Variants in CDKL4 observed in about 807,000 individuals in gnomAD.
CDKL4 encodes cyclin dependent kinase like 4, also known as cyclin-dependent kinase-like 4.
A neutral mutation model predicts 42.0 loss-of-function variants in CDKL4; 44 were observed. The ratio of observed to expected loss-of-function variants is 1.05; its 90% CI spans 0.82 to 1.35. The LOEUF (loss-of-function observed/expected upper bound fraction) is 1.35, where lower values mean the gene tolerates loss of function less well. Ranked by LOEUF, CDKL4 falls within the 40% of genes most tolerant of loss-of-function variation. The pLI is 0.00. For missense variants in CDKL4, 393 were observed against 369.9 expected (o/e 1.06, Z -0.51); for synonymous variants, 120 against 121.6 (o/e 0.99, Z 0.09).
intron 3 of CDKL4, among the ~76,000 whole-genome samples, chr2:39,214,631 G>C (rs1677803491): frequency 6.6e-6 from 1 of 152,176 alleles, no homozygotes; most frequent in Non-Finnish European, 1.5e-5. Flanking sequence ...TTTCGATCCT[G>C]CATGGATGAA....
At chr2:39,167,975 G>C in the CDKL4 span, among the ~76,000 whole-genome samples, 4 of 152,074 alleles carry the variant, frequency 2.6e-5, no homozygotes, top group African/African-American at 9.7e-5. Flanking sequence ...TAGAAATTAG[G>C]AGACAGAAAT....
At chr2:39,239,043 C>A (rs572882925) in intron 1 of CDKL4, among the ~76,000 whole-genome samples, 2 of 152,274 alleles carry the variant, frequency 1.3e-5, no homozygotes, top group South Asian at 2.1e-4. Context: ...TGAGCCACTG[C>A]GCCTGGCCCA....
intron 1 of CDKL4, among the ~76,000 whole-genome samples, chr2:39,239,334 T>C (rs1203770059): frequency 6.6e-6 from 1 of 152,030 alleles, no homozygotes; most frequent in East Asian, 1.9e-4. Flanking sequence ...GCATGATTCA[T>C]AAAAGAAAAA....
At chr2:39,177,115 T>A (rs1405002077) in intron 9 of CDKL4, among the ~76,000 whole-genome samples, 1 of 152,136 alleles carries the variant, frequency 6.6e-6, no homozygotes, top group Admixed American at 6.5e-5. Flanking sequence ...ATGCTGCCCT[T>A]TGTGTTTCTT....
At chr2:39,177,182 T>A (rs558862039) in intron 9 of CDKL4, among the ~76,000 whole-genome samples, 93 of 152,280 alleles carry the variant, frequency 6.1e-4, no homozygotes, top group Non-Finnish European at 1.0e-3. Flanking sequence ...CTGATCTGTA[T>A]CAGCTGGGTT....
At chr2:39,171,679 T>C (rs1006170452), downstream of CDKL4, among the ~76,000 whole-genome samples, 1 of 152,168 alleles carries the variant, frequency 6.6e-6, no homozygotes, top group African/African-American at 2.4e-5. Flanking sequence ...CTGAAAATAC[T>C]GTGAAAAGCA....
At chr2:39,205,531 C>A (rs1417706636) in intron 4 of CDKL4, among the ~76,000 whole-genome samples, 2 of 151,678 alleles carry the variant, frequency 1.3e-5, no homozygotes. Context: ...GAGGCCGAGG[C>A]GGGCAGATCA....
chr2:39,218,709 T>C (rs1678107504), intron 3 of CDKL4, among the ~76,000 whole-genome samples: 1 of 152,136 alleles, frequency 6.6e-6, no homozygotes, highest in Admixed American at 6.5e-5. Flanking sequence ...GGGACGTCCA[T>C]CTTCTCCTGC....
chr2:39,228,905 C>G (rs1241764587), intron 2 of CDKL4, among the ~76,000 whole-genome samples: 3 of 152,088 alleles, frequency 2.0e-5, no homozygotes, highest in African/African-American at 4.8e-5. Context: ...GTGTACGTTA[C>G]CGGGGGTGCT....
chr2:39,241,012 A>C (rs1276696025), intron 1 of CDKL4, among the ~76,000 whole-genome samples: 1 of 152,198 alleles, frequency 6.6e-6, no homozygotes, highest in Non-Finnish European at 1.5e-5. Flanking sequence ...GAAAAACAAA[A>C]TGCGACGTGT....
At chr2:39,219,038 A>T (rs967076254) in intron 3 of CDKL4, among the ~76,000 whole-genome samples, 1 of 152,168 alleles carries the variant, frequency 6.6e-6, no homozygotes, top group Non-Finnish European at 1.5e-5. Context: ...TTATTGTTGG[A>T]CTACATCAGA....
chr2:39,238,492 C>G (rs971812050), intron 1 of CDKL4, among the ~76,000 whole-genome samples: 1 of 152,206 alleles, frequency 6.6e-6, no homozygotes, highest in East Asian at 1.9e-4. Flanking sequence ...TTCCAACAGG[C>G]TTTATTTGGA....
At chr2:39,212,524 T>C (rs1443003336) in intron 4 of CDKL4, among the ~76,000 whole-genome samples, 1 of 151,880 alleles carries the variant, frequency 6.6e-6, no homozygotes, top group African/African-American at 2.4e-5. Flanking sequence ...TGAGCCACCA[T>C]GCCCGGCCGG....
At chr2:39,229,569 C>T in exon 2 of CDKL4, 1 of 1,530,574 alleles carries the variant, frequency 6.5e-7, no homozygotes, top group South Asian at 1.2e-5. Context: ...TATCGATTGA[C>T]TTGCAGTACA....
chr2:39,184,590 C>A lies in CDKL4; in HGVS notation c.792+1G>T, dbSNP rs372022773. The A allele has an allele frequency of 6.8e-6, 11 of 1,606,606 alleles. No individual in the cohort carries two copies. The highest frequency in any genetic ancestry group is 2.2e-5 in the South Asian group (2 of 90,702). The stretch of plus-strand genomic sequence containing the variant: ...AAGAGTTATAATTGATTCTTAAGTA[C>A]CTTCATGAAGTTCAGAGCCACAGGA... On this transcript the variant is annotated splice_donor_variant, in intron 8 of 9. Transcript: ENST00000451199. LOFTEE classifies it high-confidence loss of function.
chr2:39,238,500 G>C (rs1679484582), intron 1 of CDKL4, among the ~76,000 whole-genome samples: 1 of 151,990 alleles, frequency 6.6e-6, no homozygotes. Context: ...GGCTTTATTT[G>C]GACAGAAATT....
intron 3 of CDKL4, among the ~76,000 whole-genome samples, chr2:39,214,381 A>G (rs534283416): frequency 6.6e-6 from 1 of 152,204 alleles, no homozygotes; most frequent in Non-Finnish European, 1.5e-5. Flanking sequence ...TTTTATGCAT[A>G]GAGGTACAAA....
rs550348614 is a variant in CDKL4 at position 39,191,519 on chromosome 2, T to C, written c.455-1017A>G. Among the ~76,000 whole-genome samples, 5 of 152,260 alleles carry C rather than the reference T, an allele frequency of 3.3e-5. No individual in the cohort carries two copies. In the East Asian group the frequency reaches 9.6e-4, roughly 29 times the overall value. On this transcript the variant is annotated intron_variant, in intron 5 of 9. Coordinates refer to ENST00000451199, the Ensembl canonical transcript of CDKL4. Reference sequence around the variant, plus strand: ...TCTGGCCTCCAGAATTGTGAGAAAATAGATTTCTGTTGTTTTCAGCCACTC... The same window carrying C: ...TCTGGCCTCCAGAATTGTGAGAAAACAGATTTCTGTTGTTTTCAGCCACTC...
At chr2:39,222,463 C>G (rs1678432804) in intron 3 of CDKL4, among the ~76,000 whole-genome samples, 1 of 151,700 alleles carries the variant, frequency 6.6e-6, no homozygotes, top group Non-Finnish European at 1.5e-5. Flanking sequence ...GGTAGCGGGT[C>G]CCTGTAGTCC....
Sources: allele counts gnomAD v4.1 joint callset (sites outside exome capture counted in the v4.1 genomes callset), GRCh38; gene constraint gnomAD v4.1.1; transcripts MANE v1.5; gene names NCBI Gene and HGNC (gene_info 2026-07-23, HGNC 2026-07-21).